Variants in CNTN5 observed in about 807,000 individuals in gnomAD.
CNTN5 encodes contactin-5.
In CNTN5, 77 loss-of-function variants were observed where a neutral mutation model predicts 129.1. That is an observed-to-expected ratio of 0.60 (90% confidence interval 0.50 to 0.72). The LOEUF is 0.72. CNTN5 is among the 30% of genes least tolerant of loss of function. The probability of loss-of-function intolerance (pLI) is 0.00; values close to 1 mark genes in which losing one functional copy is unlikely to be tolerated. For synonymous variants in CNTN5, 509 were observed against 465.6 expected (o/e 1.09, Z -1.20); for missense variants, 1,478 against 1,328.8 (o/e 1.11, Z -1.75).
At chr11:99,435,873 A>G (rs1035539044) in intron 2 of CNTN5, among the ~76,000 whole-genome samples, 1 of 152,222 alleles carries the variant, frequency 6.6e-6, no homozygotes, top group African/African-American at 2.4e-5. Flanking sequence ...ATGAGGAAGT[A>G]TATGGGGAAG....
At chr11:99,417,973 T>C (rs2245666) in intron 2 of CNTN5, among the ~76,000 whole-genome samples, 152,116 of 152,228 alleles carry the variant, frequency 1, 76,002 homozygotes, top group Middle Eastern at 1. Flanking sequence ...TAAGTTATGC[T>C]GACTTGGACA....
intron 1 of CNTN5, chr11:99,049,930 T>G (rs980586776): frequency 2.0e-5 from 3 of 152,166 alleles, no homozygotes; most frequent in African/African-American, 7.2e-5. Flanking sequence ...AAGGAAAGAA[T>G]AAAGTCTTGC....
At chr11:100,046,174 T>G (rs1054651929) in intron 9 of CNTN5, among the ~76,000 whole-genome samples, 3 of 150,010 alleles carry the variant, frequency 2.0e-5, no homozygotes, top group East Asian at 2.0e-4. Context: ...CTTTAGGAGA[T>G]ATACCTAATG....
intron 13 of CNTN5, among the ~76,000 whole-genome samples, chr11:100,121,753 T>G (rs2138166117): frequency 6.6e-6 from 1 of 152,148 alleles, no homozygotes; most frequent in East Asian, 1.9e-4. Flanking sequence ...TCTTGTTTTC[T>G]TTTCATGGAG....
chr11:99,509,110 G>A lies in CNTN5; in HGVS notation c.-70-47035G>A, dbSNP rs75620516. 6.3e-3 allele frequency among the ~76,000 whole-genome samples: 962 copies of A among 152,244 alleles called. 8 individuals carry two copies. Among genetic ancestry groups the A allele is most frequent in the African/African-American group, 0.022 (903 of 41,526 alleles). On this transcript the variant is annotated intron_variant, in intron 2 of 24. Transcript: ENST00000524871. ...GGGGGAATATATCTTAGAACCAAAA[G>A]TACTAAGTTGAATATAAATCATCAT...
chr11:99,652,429 G>C (rs989835459), intron 3 of CNTN5, among the ~76,000 whole-genome samples: 1 of 152,018 alleles, frequency 6.6e-6, no homozygotes, highest in Non-Finnish European at 1.5e-5. Flanking sequence ...GAGAGTGACT[G>C]TTCTATATGA....
intron 1 of CNTN5, among the ~76,000 whole-genome samples, chr11:99,190,911 G>T (rs1195091275): frequency 1.3e-5 from 2 of 151,470 alleles, no homozygotes; most frequent in Admixed American, 6.6e-5. Context: ...GGGCATCCTT[G>T]TCTTGTTTCT....
chr11:100,267,280 C>CACACAGAG (rs371454644), intron 17 of CNTN5, among the ~76,000 whole-genome samples: 1 of 148,478 alleles, frequency 6.7e-6, no homozygotes, highest in African/African-American at 2.5e-5. Flanking sequence ...CACACACACA[C>CACACAGAG]AGAGAGAGAG....
chr11:100,208,422 C>T (rs1948959058), intron 15 of CNTN5, among the ~76,000 whole-genome samples: 1 of 152,142 alleles, frequency 6.6e-6, no homozygotes, highest in Non-Finnish European at 1.5e-5. Context: ...ACATGTTTCT[C>T]ATCATCCACC....
chr11:99,891,342 TTATTA>T (rs1241178012), intron 6 of CNTN5, among the ~76,000 whole-genome samples: 1 of 152,004 alleles, frequency 6.6e-6, no homozygotes, highest in Non-Finnish European at 1.5e-5. Flanking sequence ...TTTATTATTA[TTATTA>T]TATTTTAAGT....
At chr11:99,027,847 C>A (rs1424111939) in intron 1 of CNTN5, among the ~76,000 whole-genome samples, 5 of 151,574 alleles carry the variant, frequency 3.3e-5, no homozygotes, top group Non-Finnish European at 7.4e-5. Context: ...AAGACTTTTT[C>A]TTTAAACACT....
intron 1 of CNTN5, among the ~76,000 whole-genome samples, chr11:99,177,402 A>G (rs954373937): frequency 6.6e-6 from 1 of 152,240 alleles, no homozygotes; most frequent in Non-Finnish European, 1.5e-5. Flanking sequence ...GAGTGAATAA[A>G]TGAATGAGTT....
chr11:99,130,654 A>G (rs1858886941), intron 1 of CNTN5, among the ~76,000 whole-genome samples: 1 of 151,676 alleles, frequency 6.6e-6, no homozygotes, highest in South Asian at 2.1e-4. Context: ...ACAACAGAAT[A>G]TATATTTTTA....
At chr11:99,364,685 A>C (rs768690978) in intron 2 of CNTN5, among the ~76,000 whole-genome samples, 2 of 152,146 alleles carry the variant, frequency 1.3e-5, no homozygotes, top group Non-Finnish European at 2.9e-5. Flanking sequence ...CATTTATTTC[A>C]TAAGAATAAG....
At chr11:99,334,772 T>A (rs1307602562) in intron 2 of CNTN5, among the ~76,000 whole-genome samples, 1 of 152,128 alleles carries the variant, frequency 6.6e-6, no homozygotes, top group Non-Finnish European at 1.5e-5. Context: ...TCATTTCATG[T>A]AGAAATTATA....
At chr11:100,226,266 T>C (rs1034758686) in intron 16 of CNTN5, among the ~76,000 whole-genome samples, 1 of 152,140 alleles carries the variant, frequency 6.6e-6, no homozygotes, top group Non-Finnish European at 1.5e-5. Context: ...TGATCTGTTT[T>C]AGATTATGTA....
intron 8 of CNTN5, among the ~76,000 whole-genome samples, chr11:99,964,377 A>G (rs535613995): frequency 2.0e-5 from 3 of 152,220 alleles, no homozygotes; most frequent in South Asian, 2.1e-4. Flanking sequence ...AGATTGTTGA[A>G]TTTTGTCAAA....
chr11:100,106,906 T>C (rs2138092645), intron 13 of CNTN5, among the ~76,000 whole-genome samples: 1 of 152,300 alleles, frequency 6.6e-6, no homozygotes, highest in Admixed American at 6.5e-5. Flanking sequence ...TGGTATTCAC[T>C]GTATGACATC....
chr11:99,709,236 T>C (rs1402374097), intron 3 of CNTN5, among the ~76,000 whole-genome samples: 1 of 151,902 alleles, frequency 6.6e-6, no homozygotes, highest in Non-Finnish European at 1.5e-5. Context: ...AAAATGTCTT[T>C]GTTTAAATGA....
Sources: allele counts gnomAD v4.1 joint callset (sites outside exome capture counted in the v4.1 genomes callset), GRCh38; gene constraint gnomAD v4.1.1; transcripts MANE v1.5; gene names NCBI Gene and HGNC (gene_info 2026-07-23, HGNC 2026-07-21).